C9orf85: variants seen among roughly 807,000 people sequenced by gnomAD.
C9orf85 encodes chromosome 9 open reading frame 85.
A neutral mutation model predicts 14.9 loss-of-function variants in C9orf85; 16 were observed. That is an observed-to-expected ratio of 1.08 (90% CI 0.73 to 1.63). C9orf85 has a LOEUF of 1.63. C9orf85 is among the 40% of genes most tolerant of loss of function. The probability of loss-of-function intolerance (pLI) is 0.00; values close to 1 mark genes in which losing one functional copy is unlikely to be tolerated. For synonymous variants in C9orf85, 45 were observed against 56.8 expected (o/e 0.79, Z 0.93); for missense variants, 172 against 186.1 (o/e 0.92, Z 0.44).
At chr9:71,916,451 A>G (rs1357815403) in intron 1 of C9orf85, among the ~76,000 whole-genome samples, 2 of 152,106 alleles carry the variant, frequency 1.3e-5, no homozygotes, top group Admixed American at 6.6e-5. Flanking sequence ...CGTAGTATAC[A>G]TTGGAATAAA....
At chr9:71,949,705 A>C (rs746952314) in intron 2 of C9orf85, among the ~76,000 whole-genome samples, 1 of 152,180 alleles carries the variant, frequency 6.6e-6, no homozygotes, top group African/African-American at 2.4e-5. Flanking sequence ...GCTAGGTTTG[A>C]TGGGAGTGGA....
intron 2 of C9orf85, among the ~76,000 whole-genome samples, chr9:71,962,625 A>T (rs555694870): frequency 8.5e-5 from 13 of 152,360 alleles, no homozygotes; most frequent in African/African-American, 2.9e-4. Context: ...GTAATCACGT[A>T]AAGTCTTTTA....
Sources: gnomAD v4.1 joint callset for allele counts (sites outside exome capture counted in the v4.1 genomes callset) on GRCh38, gnomAD v4.1.1 for gene constraint, MANE v1.5 for transcripts, NCBI Gene and HGNC (gene_info 2026-07-23, HGNC 2026-07-21) for gene names.